Variants in SYNDIG1L observed in about 807,000 individuals in gnomAD.
SYNDIG1L encodes synapse differentiation-inducing gene protein 1-like.
SYNDIG1L carries 13 observed loss-of-function variants against 20.1 expected under a neutral mutation model. The ratio of observed to expected loss-of-function variants is 0.65; its 90% CI spans 0.42 to 1.03. The LOEUF is 1.03. Among genes scored for constraint, SYNDIG1L ranks in the 50% least tolerant of loss-of-function variants. SYNDIG1L has a pLI of 0.00. For synonymous variants in SYNDIG1L, 128 were observed against 129.3 expected, an observed-to-expected ratio of 0.99 and a Z score of 0.07; for missense variants, 294 against 305.1, an observed-to-expected ratio of 0.96 and a Z score of 0.27.
the SYNDIG1L span, among the ~76,000 whole-genome samples, chr14:74,477,044 A>G: frequency 0.038 from 915 of 24,172 alleles, 12 homozygotes; most frequent in South Asian, 0.071. Flanking sequence ...TTCCCAACAC[A>G]CACACACACA....
At chr14:74,444,485 T>C in the SYNDIG1L span, among the ~76,000 whole-genome samples, 1 of 151,890 alleles carries the variant, frequency 6.6e-6, no homozygotes, top group Admixed American at 6.6e-5. Context: ...GCATGGTGGC[T>C]CATGCCTGTA....
the SYNDIG1L span, among the ~76,000 whole-genome samples, chr14:74,450,289 T>C: frequency 2.9e-4 from 44 of 152,258 alleles, no homozygotes; most frequent in Non-Finnish European, 4.7e-4. Context: ...ATCAAATATT[T>C]AATGATGAAG....
At chr14:74,463,517 G>A in the SYNDIG1L span, among the ~76,000 whole-genome samples, 12 of 152,094 alleles carry the variant, frequency 7.9e-5, no homozygotes, top group Admixed American at 2.0e-4. Context: ...TCCCACTGTC[G>A]TCAGTTCAGA....
At chr14:74,456,554 T>A in the SYNDIG1L span, among the ~76,000 whole-genome samples, 1 of 152,010 alleles carries the variant, frequency 6.6e-6, no homozygotes, top group African/African-American at 2.4e-5. Context: ...CAAAAACCCA[T>A]AAAATAAAAT....
At chr14:74,453,392 G>A in the SYNDIG1L span, among the ~76,000 whole-genome samples, 18,709 of 55,994 alleles carry the variant, frequency 0.33, 1,310 homozygotes, top group Non-Finnish European at 0.41. Context: ...AAAAAAAAAA[G>A]AAGAAGAAGA....
At chr14:74,420,989 G>A (rs964215802) in intron 1 of SYNDIG1L, among the ~76,000 whole-genome samples, 1 of 151,588 alleles carries the variant, frequency 6.6e-6, no homozygotes, top group African/African-American at 2.4e-5. Context: ...AAGTATAAAT[G>A]GACAACAAAA....
the SYNDIG1L span, among the ~76,000 whole-genome samples, chr14:74,461,491 TC>T: frequency 6.6e-6 from 1 of 152,116 alleles, no homozygotes; most frequent in Non-Finnish European, 1.5e-5. Flanking sequence ...GATCCAGGTG[TC>T]CCTCCTAGAA....
intron 1 of SYNDIG1L, among the ~76,000 whole-genome samples, chr14:74,414,495 C>G (rs890101314): frequency 6.6e-6 from 1 of 152,200 alleles, no homozygotes. Flanking sequence ...ACACTGCCAC[C>G]TTCCAGACCA....
At chr14:74,429,271 G>A (rs1166402365), upstream of SYNDIG1L, among the ~76,000 whole-genome samples, 3 of 152,178 alleles carry the variant, frequency 2.0e-5, no homozygotes. Context: ...AAACCTGGGA[G>A]GGGATGCCCT....
the SYNDIG1L span, among the ~76,000 whole-genome samples, chr14:74,431,237 G>A: frequency 1.9e-4 from 29 of 149,594 alleles, no homozygotes; most frequent in Middle Eastern, 3.4e-3. Context: ...TTGCATGTGC[G>A]TGTGTGTGTG....
the SYNDIG1L span, among the ~76,000 whole-genome samples, chr14:74,471,441 T>C: frequency 2.0e-5 from 3 of 151,882 alleles, no homozygotes; most frequent in South Asian, 6.2e-4. Flanking sequence ...TACAAAAAAA[T>C]ACAAAAATTA....
the SYNDIG1L span, among the ~76,000 whole-genome samples, chr14:74,436,080 T>C: frequency 6.6e-6 from 1 of 152,068 alleles, no homozygotes; most frequent in Non-Finnish European, 1.5e-5. Flanking sequence ...AGATATGAGA[T>C]ATTGCTCTGG....
intron 1 of SYNDIG1L, among the ~76,000 whole-genome samples, chr14:74,418,257 C>G (rs1020655567): frequency 6.6e-6 from 1 of 152,184 alleles, no homozygotes; most frequent in Admixed American, 6.5e-5. Flanking sequence ...TTAGCTGCAG[C>G]TTGCTGCATT....
intron 1 of SYNDIG1L, among the ~76,000 whole-genome samples, chr14:74,425,412 T>G (rs1352889793): frequency 2.0e-5 from 3 of 152,194 alleles, no homozygotes; most frequent in Non-Finnish European, 4.4e-5. Context: ...TAAGGGGCCT[T>G]GGCCCAAGAG....
chr14:74,466,184 G>C, the SYNDIG1L span, among the ~76,000 whole-genome samples: 8 of 152,254 alleles, frequency 5.3e-5, no homozygotes, highest in South Asian at 2.1e-4. Flanking sequence ...TGACAGGCAG[G>C]GTGGGGTCTT....
chr14:74,478,815 G>A, the SYNDIG1L span, among the ~76,000 whole-genome samples: 1 of 152,162 alleles, frequency 6.6e-6, no homozygotes, highest in Non-Finnish European at 1.5e-5. Context: ...CATTTAGAGA[G>A]TATATACTAT....
chr14:74,440,667 A>G, the SYNDIG1L span, among the ~76,000 whole-genome samples: 8 of 152,110 alleles, frequency 5.3e-5, no homozygotes, highest in Non-Finnish European at 1.0e-4. Context: ...CCTGGGGGAC[A>G]CAGCGAGACT....
the SYNDIG1L span, among the ~76,000 whole-genome samples, chr14:74,463,873 A>T: frequency 1.3e-5 from 2 of 152,220 alleles, no homozygotes; most frequent in Non-Finnish European, 2.9e-5. Flanking sequence ...AGCCTGCTTT[A>T]GAAAGTAGGC....
chr14:74,429,616 G>T (rs900995732), upstream of SYNDIG1L, among the ~76,000 whole-genome samples: 1 of 152,226 alleles, frequency 6.6e-6, no homozygotes, highest in Non-Finnish European at 1.5e-5. Flanking sequence ...TTGAGCTCAC[G>T]GCCAAGGCCA....
Sources: allele counts gnomAD v4.1 joint callset (sites outside exome capture counted in the v4.1 genomes callset), GRCh38; gene constraint gnomAD v4.1.1; transcripts MANE v1.5; gene names NCBI Gene and HGNC (gene_info 2026-07-23, HGNC 2026-07-21).